The following NCKIPSD variants were observed in gnomAD, a reference collection of about 807,000 sequenced individuals.
The protein encoded by NCKIPSD is NCK interacting protein with SH3 domain.
A neutral mutation model predicts 73.4 loss-of-function variants in NCKIPSD; 48 were observed. That is an observed-to-expected ratio of 0.65 (90% CI 0.52 to 0.83). The LOEUF (loss-of-function observed/expected upper bound fraction) is 0.83, where lower values mean the gene tolerates loss of function less well. Ranked by LOEUF, NCKIPSD falls within the 40% of genes least tolerant of loss-of-function variation. NCKIPSD has a pLI of 0.00. For synonymous variants in NCKIPSD, 422 were observed against 403.6 expected, an observed-to-expected ratio of 1.05 and a Z score of -0.54; for missense variants, 884 against 970.2, an observed-to-expected ratio of 0.91 and a Z score of 1.18.
intron 12 of NCKIPSD, among the ~76,000 whole-genome samples, chr3:48,677,319 C>T (rs2077270374): frequency 6.6e-6 from 1 of 151,636 alleles, no homozygotes; most frequent in African/African-American, 2.4e-5. Context: ...AACCAGGAGG[C>T]GGAGGTTACA....
At chr3:48,679,497 G>A (rs752837954) in intron 8 of NCKIPSD, 40 bp from the exon 9 acceptor site, 3 of 1,606,296 alleles carry the variant, frequency 1.9e-6, no homozygotes, top group Non-Finnish European at 2.6e-6. Context: ...CCCCAAAGAT[G>A]GCAGGAAACC....
At chr3:48,676,339 G>T (rs2077256619) in intron 12 of NCKIPSD, among the ~76,000 whole-genome samples, 1 of 152,064 alleles carries the variant, frequency 6.6e-6, no homozygotes, top group African/African-American at 2.4e-5. Context: ...CTGTCCATGT[G>T]GGCCTGGACC....
In NCKIPSD at chr3:48,674,513, G is replaced by A. The variant is rs1371065724; in HGVS notation, c.*31C>T. On this transcript the variant is annotated 3_prime_UTR_variant, in exon 13 of 13. Coordinates refer to ENST00000294129, the MANE Select transcript of NCKIPSD (RefSeq NM_016453.4). ...CCCCTGAGTCCCCTGCACACTGACT[G>A]GAGCTGCAGGGAAGGGAGGACAGCA... The A allele has an allele frequency of 1.9e-6, 3 of 1,560,066 alleles. No homozygotes were observed. The highest frequency in any genetic ancestry group is 1.9e-5 in the Admixed American group (1 of 52,518).
At chr3:48,684,799 C>A (rs2077409833) in intron 1 of NCKIPSD, among the ~76,000 whole-genome samples, 1 of 152,178 alleles carries the variant, frequency 6.6e-6, no homozygotes. Context: ...CCAGGAGAAG[C>A]TATAAGAACT....
At chr3:48,678,997 G>A in intron 10 of NCKIPSD, 28 bp from the exon 11 acceptor site, 1 of 1,614,142 alleles carries the variant, frequency 6.2e-7, no homozygotes, top group East Asian at 2.2e-5. Flanking sequence ...TATAGACAGG[G>A]TGCTGAGCCT....
At position 48,680,236 on chromosome 3, in the gene NCKIPSD, G is replaced by A. The variant is rs371122926; in HGVS notation, c.1093-7C>T. Reference sequence around the variant, plus strand: ...GCAGGGCCATGCTGAGGTCCTAGAGGGAGAGGGCAAGGCATGACTCAGCAC... The same window carrying A: ...GCAGGGCCATGCTGAGGTCCTAGAGAGAGAGGGCAAGGCATGACTCAGCAC... On this transcript the variant is annotated splice_polypyrimidine_tract_variant and splice_region_variant and intron_variant, in intron 5 of 12. Transcript: ENST00000294129. 3 of 1,602,604 alleles carry A rather than the reference G, an allele frequency of 1.9e-6. No homozygotes were observed. The highest frequency in any genetic ancestry group is 2.7e-5 in the African/African-American group (2 of 74,660).
chr3:48,683,751 G>T (rs1347877511), intron 1 of NCKIPSD, among the ~76,000 whole-genome samples: 1 of 152,132 alleles, frequency 6.6e-6, no homozygotes, highest in Non-Finnish European at 1.5e-5. Flanking sequence ...GGAGTGTAGG[G>T]TAGCAGCTAT....
rs546326030 is a variant in NCKIPSD, at chr3:48,679,459, TG to T, written c.1490-3del. ...CAGAGTAACAGAGTTTCTGGTGGTC[TG>T]GGGGGGACAAGGCAGGCAGTCAGAG... On this transcript the variant is annotated splice_region_variant and splice_polypyrimidine_tract_variant and intron_variant, in intron 8 of 12. Coordinates refer to ENST00000294129, the MANE Select transcript of NCKIPSD (RefSeq NM_016453.4). 4.7e-5 allele frequency: 76 copies of T among 1,611,108 alleles called. No homozygotes were observed. The East Asian group carries it at 1.3e-3, about 28-fold the overall frequency.
Position 48,680,172 on chromosome 3 carries a change from C to T in NCKIPSD, c.1150G>A (p.Val384Met). The T allele has an allele frequency of 6.2e-7, 1 of 1,613,872 alleles. No individual in the cohort carries two copies. Among genetic ancestry groups the T allele is most frequent in the Non-Finnish European group, 8.5e-7 (1 of 1,179,996 alleles). ...QVCHDQQRLE[V>M]IFADLARRKD... is the part of the protein sequence containing the mutation. ...CGGCGAGCCAGGTCTGCAAAGATCA[C>T]CTCCAGCCTCTGCTGGTCGTGGCAG... The change falls in exon 6 of 13, where the codon GTG becomes ATG. Residue 384 changes from valine to methionine, a missense_variant. Val to Met is a conservative substitution (Grantham distance 21). Transcript: ENST00000294129.
chr3:48,683,155 G>C, intron 1 of NCKIPSD, 143 bp from the exon 2 acceptor site: 1 of 1,430,310 alleles, frequency 7.0e-7, no homozygotes, highest in African/African-American at 1.4e-5. Context: ...AGTTGAACCA[G>C]AATATGGAAT....
rs1272484846 is a variant in NCKIPSD, at chr3:48,674,331, G to C, written c.*213C>G. ...CCAGGGTATAGAGGGGCTTTAGCTTGCATATTCCCCCTGCCCCAGAACAGC... is the reference window on the plus strand; with the variant it reads ...CCAGGGTATAGAGGGGCTTTAGCTTCCATATTCCCCCTGCCCCAGAACAGC... On this transcript the variant is annotated 3_prime_UTR_variant, in exon 13 of 13. Transcript: ENST00000294129. 4 of 1,417,022 alleles carry C rather than the reference G, an allele frequency of 2.8e-6. No homozygotes were observed. In the African/African-American group the frequency reaches 5.8e-5, roughly 20 times the overall value. The allele number at this position is 1,417,022 out of a possible 1,614,324, so 87.8% of individuals were successfully genotyped here. A position where few individuals can be genotyped will look rare whatever the true frequency, so the allele number is the denominator to read the frequency against.
intron 11 of NCKIPSD, 65 bp from the exon 12 acceptor site, chr3:48,678,801 G>C (rs1224418472): frequency 1.9e-6 from 3 of 1,612,752 alleles, no homozygotes; most frequent in Non-Finnish European, 2.5e-6. Context: ...ACCCCAGGGG[G>C]TTACGGGAGT....
Position 48,682,443 on chromosome 3 carries a change from C to T in NCKIPSD, c.391G>A (p.Ala131Thr), listed in dbSNP as rs750858885. 13 of 1,614,074 alleles carry T rather than the reference C, an allele frequency of 8.1e-6. No homozygotes were observed. The African/African-American group carries it at 1.7e-4, about 22-fold the overall frequency. The change falls in exon 3 of 13, where the codon GCC becomes ACC. Residue 131 changes from alanine to threonine, a missense_variant. Ala to Thr is a moderately conservative substitution (Grantham distance 58, BLOSUM62 0). Transcript: ENST00000294129. Reference protein sequence around the residue: ...TSDHHLDAAAARQPNGVCRAG... With the variant: ...TSDHHLDAAATRQPNGVCRAG... ...CGACACACCCCATTGGGCTGCCTGG[C>T]TGCAGCAGCATCCAAGTGGTGGTCA...
At chr3:48,675,355 CACAT>C (rs2077234457) in intron 12 of NCKIPSD, among the ~76,000 whole-genome samples, 1 of 151,730 alleles carries the variant, frequency 6.6e-6, no homozygotes, top group Non-Finnish European at 1.5e-5. Context: ...TCTTGTCTCC[CACAT>C]ACCTCATATC....
Position 48,678,597 on chromosome 3 carries a change from C to T in NCKIPSD, c.1932G>A (p.Val644=), listed in dbSNP as rs1235138384. 6.2e-7 allele frequency: 1 copy of T among 1,613,948 alleles called. No individual in the cohort carries two copies. The highest frequency in any genetic ancestry group is 8.5e-7 in the Non-Finnish European group (1 of 1,179,924). ...CTGGTGACAGGTCTGCGATGTGCCGCACAGTGATGTCAATGAGAGCCATCA... is the reference window on the plus strand; with the variant it reads ...CTGGTGACAGGTCTGCGATGTGCCGTACAGTGATGTCAATGAGAGCCATCA... ...TDMMALIDIT[V]RHIADLSPGD... The change falls in exon 12 of 13, where the codon GTG becomes GTA. Residue 644 remains valine (V), a synonymous_variant. Transcript: ENST00000294129.
intron 1 of NCKIPSD, among the ~76,000 whole-genome samples, chr3:48,685,179 G>A (rs1028948788): frequency 1.6e-5 from 2 of 121,970 alleles, no homozygotes; most frequent in African/African-American, 3.2e-5. Context: ...GCGCGGGGTT[G>A]GGGGAAGAAG....
Position 48,682,343 on chromosome 3 carries a change from C to T in NCKIPSD, c.486+5G>A. 1 of 1,613,902 alleles carries T rather than the reference C, an allele frequency of 6.2e-7. No homozygotes were observed. The highest frequency in any genetic ancestry group is 8.5e-7 in the Non-Finnish European group (1 of 1,179,864). On this transcript the variant is annotated splice_donor_5th_base_variant and intron_variant, in intron 3 of 12. Coordinates refer to ENST00000294129, the MANE Select transcript of NCKIPSD (RefSeq NM_016453.4). ...TCCCTTCTCCACGATGTCCTCCCCA[C>T]ACACCTGGTAGAGGCCTCCATCTGC...
intron 9 of NCKIPSD, 81 bp from the exon 10 acceptor site, chr3:48,679,264 G>A (rs2077307323): frequency 1.9e-6 from 3 of 1,611,418 alleles, no homozygotes; most frequent in African/African-American, 1.3e-5. Context: ...CTTTCTGTGA[G>A]CCTTGGGGAT....
In NCKIPSD at chr3:48,681,760, A is replaced by AGGGCATGGTGTTGTGGCCACCTGC; in HGVS notation, c.599-4_618dup (p.Pro206_Ser207insAlaGlyGlyHisAsnThrMetPro). On this transcript the variant is annotated inframe_insertion, in exon 5 of 13. Transcript: ENST00000294129. Reference sequence around the variant, plus strand: ...CCGCTGGACACAGAGTTACCCCCGGAGGGCATGGTGTTGTGGCCACCTGCG... The same window carrying AGGGCATGGTGTTGTGGCCACCTGC: ...CCGCTGGACACAGAGTTACCCCCGGAGGGCATGGTGTTGTGGCCACCTGCGGGCATGGTGTTGTGGCCACCTGCG... 1 of 1,513,276 alleles carries AGGGCATGGTGTTGTGGCCACCTGC rather than the reference A, an allele frequency of 6.6e-7. No individual in the cohort carries two copies. The highest frequency in any genetic ancestry group is 8.8e-7 in the Non-Finnish European group (1 of 1,132,446). The allele number at this position is 1,513,276 out of a possible 1,614,324, so 93.7% of individuals were successfully genotyped here. A position where few individuals can be genotyped will look rare whatever the true frequency, so the allele number is the denominator to read the frequency against.
Sources: gnomAD v4.1 joint callset for allele counts (sites outside exome capture counted in the v4.1 genomes callset) on GRCh38, gnomAD v4.1.1 for gene constraint, MANE v1.5 for transcripts, NCBI Gene and HGNC (gene_info 2026-07-23, HGNC 2026-07-21) for gene names.